ANAPC2: variants seen among roughly 807,000 people sequenced by gnomAD.
ANAPC2 encodes anaphase promoting complex subunit 2.
In ANAPC2, 29 loss-of-function variants were observed where a neutral mutation model predicts 84.3. The ratio of observed to expected loss-of-function variants is 0.34; its 90% CI spans 0.26 to 0.47. ANAPC2 has a LOEUF of 0.47. ANAPC2 is among the 20% of genes least tolerant of loss of function. The pLI is 1.00. For synonymous variants in ANAPC2, 571 were observed against 479.4 expected (o/e 1.19, Z -2.50); for missense variants, 857 against 1,131.7 (o/e 0.76, Z 3.48).
chr9:137,188,450 C>T lies in ANAPC2; in HGVS notation c.83G>A (p.Ser28Asn), dbSNP rs1210985758. 1.2e-6 allele frequency: 2 copies of T among 1,610,038 alleles called. No homozygotes were observed. The highest frequency in any genetic ancestry group is 1.7e-5 in the Admixed American group (1 of 59,954). ...CGCAGCCGGCGGCACCAGGCCGGTG[C>T]TCACGGTGTTCCAGGCCACTAACAA... ...QELLVAWNTV[S>N]TGLVPPAALG... Residue 28 changes from serine (S) to asparagine (N), a missense_variant, in exon 1 of 13, where the codon AGC becomes AAC. Coordinates refer to ENST00000323927, the MANE Select transcript of ANAPC2 (RefSeq NM_013366.4).
chr9:137,175,659 AG>A, intron 11 of ANAPC2, 48 bp downstream of exon 11: 1 of 1,584,488 alleles, frequency 6.3e-7, no homozygotes, highest in Non-Finnish European at 8.6e-7. Context: ...CCTCACCCAC[AG>A]CTGGGCCGTG....
At chr9:137,182,725 G>C (rs1391771025) in intron 6 of ANAPC2, among the ~76,000 whole-genome samples, 1 of 152,132 alleles carries the variant, frequency 6.6e-6, no homozygotes, top group African/African-American at 2.4e-5. Flanking sequence ...ATTCTCCACC[G>C]AACAGCCCCA....
chr9:137,181,133 C>A (rs941951411), intron 7 of ANAPC2, among the ~76,000 whole-genome samples: 2 of 152,226 alleles, frequency 1.3e-5, no homozygotes, highest in African/African-American at 2.4e-5. Context: ...CCTCTCACCC[C>A]ACAGGGACCT....
intron 5 of ANAPC2, 122 bp downstream of exon 5, chr9:137,183,550 C>T (rs1221131950): frequency 7.1e-7 from 1 of 1,413,898 alleles, no homozygotes; most frequent in African/African-American, 1.4e-5. Context: ...TGCTTCTCAA[C>T]CCATTTCTTC....
chr9:137,175,907 G>C (rs1302008132), intron 10 of ANAPC2, 70 bp from the exon 11 acceptor site: 2 of 1,500,274 alleles, frequency 1.3e-6, no homozygotes, highest in Non-Finnish European at 1.8e-6. Context: ...TCTGCCACCT[G>C]GTACCAGTGA....
chr9:137,179,688 C>T (rs548105610), intron 10 of ANAPC2, among the ~76,000 whole-genome samples: 19 of 152,360 alleles, frequency 1.2e-4, no homozygotes, highest in African/African-American at 4.3e-4. Context: ...AGGCAGTTCT[C>T]GAGGAAACAG....
intron 1 of ANAPC2, 110 bp from the exon 2 acceptor site, chr9:137,188,213 C>T: frequency 2.1e-6 from 3 of 1,427,078 alleles, no homozygotes; most frequent in Non-Finnish European, 1.9e-6. Context: ...GCCCCCTGTC[C>T]GTGCTGCCCG....
At position 137,184,946 on chromosome 9, in the gene ANAPC2, G is replaced by C; in HGVS notation, c.1015C>G (p.Leu339Val). The C allele has an allele frequency of 6.2e-7, 1 of 1,612,796 alleles. No homozygotes were observed. Among genetic ancestry groups the C allele is most frequent in the Non-Finnish European group, 8.5e-7 (1 of 1,179,726 alleles). The part of the protein sequence containing the change: ...QRFFYRIYAS[L>V]RIEELFSIVR... ...ATGCTGAAGAGCTCCTCGATGCGCA[G>C]GCTGGCGTAGATGCGGTAGAAGAAC... The change falls in exon 4 of 13, where the codon CTG (leucine) becomes GTG (valine). Residue 339 changes from leucine to valine, a missense_variant. Physicochemically the swap from Leu to Val is conservative, Grantham distance 32. Transcript: ENST00000323927.
In ANAPC2 at chr9:137,187,899, G is replaced by C; in HGVS notation, c.322C>G (p.Leu108Val). The C allele has an allele frequency of 6.2e-6, 10 of 1,613,810 alleles. No homozygotes were observed. The highest frequency in any genetic ancestry group is 8.5e-6 in the Non-Finnish European group (10 of 1,180,040). The change falls in exon 2 of 13, where the codon CTT becomes GTT. Residue 108 changes from leucine (L) to valine (V), a missense_variant. This residue lies in a region of ANAPC2 where 428 missense variants were observed against 513.8 expected (regional missense o/e 0.83). Transcript: ENST00000323927. ...CCAAAAGCGTCAAGGAGTAGCAAAA[G>C]GCACTGGGGCTCATCCGCAGAGTTC... is the stretch of plus-strand genomic sequence containing the variant. ...CENSADEPQC[L>V]LLLLDAFGLL...
rs1449985664 is a variant in ANAPC2 at position 137,187,784 on chromosome 9, G to C, written c.437C>G (p.Ala146Gly). Residue 146 changes from alanine (A) to glycine (G), a missense_variant, in exon 2 of 13, where the codon GCT (alanine) becomes GGT (glycine). Around this residue, in one of 3 missense-constraint regions of ANAPC2, gnomAD observed 428 missense variants for 513.8 expected, o/e 0.83. Coordinates refer to ENST00000323927, the MANE Select transcript of ANAPC2 (RefSeq NM_013366.4). Reference protein sequence around the residue: ...TRLGLLMGTGAQGLREEVHTM... With the variant: ...TRLGLLMGTGGQGLREEVHTM... ...GTGGACTTCTTCTCGCAGCCCCTGA[G>C]CACCAGTGCCCATCAGCAAGCCCAG... The C allele has an allele frequency of 3.1e-6, 5 of 1,613,704 alleles. No homozygotes were observed. Among genetic ancestry groups the C allele is most frequent in the Middle Eastern group, 1.6e-4 (1 of 6,062 alleles).
chr9:137,175,409 C>T lies in ANAPC2; in HGVS notation c.2084G>A (p.Arg695Gln), dbSNP rs1215805623. The change falls in exon 12 of 13, where the codon CGG becomes CAG. Residue 695 changes from arginine to glutamine, a missense_variant. Arg to Gln is a conservative substitution (Grantham distance 43). Coordinates refer to ENST00000323927, the MANE Select transcript of ANAPC2 (RefSeq NM_013366.4). ...VKMPVALLRR[R>Q]MSVWLQQGVL... ...ACCCTGCTGCAGCCACACGGACATCCGCCGCCGCAGCAGCGCCACGGGCAT... is the reference window on the plus strand; with the variant it reads ...ACCCTGCTGCAGCCACACGGACATCTGCCGCCGCAGCAGCGCCACGGGCAT... 6 of 1,607,464 alleles carry T rather than the reference C, an allele frequency of 3.7e-6. No individual in the cohort carries two copies. Among genetic ancestry groups the T allele is most frequent in the African/African-American group, 1.3e-5 (1 of 74,802 alleles).
chr9:137,181,441 T>C (rs180943233), intron 7 of ANAPC2, among the ~76,000 whole-genome samples: 190 of 151,958 alleles, frequency 1.3e-3, no homozygotes, highest in African/African-American at 4.0e-3. Context: ...TCACAAGCGG[T>C]GGGAGGCAGG....
In ANAPC2 at chr9:137,181,703, C is replaced by G. The variant is rs375903586; in HGVS notation, c.1446G>C (p.Pro482=). 4.3e-6 allele frequency: 7 copies of G among 1,609,198 alleles called. No individual in the cohort carries two copies. The Admixed American group carries it at 8.4e-5, about 19-fold the overall frequency. ...AACCTGGATCGGCATCCACAGGGTC[C>G]GGGACCCAGTCCTCTGGCTCGCCTG... ...DDSGEPEDWV[P]DPVDADPGKS... Residue 482 remains proline, a synonymous_variant, in exon 7 of 13, where the codon CCG becomes CCC. Transcript: ENST00000323927.
In ANAPC2 at chr9:137,180,822, G is replaced by A. The variant is rs1834327398; in HGVS notation, c.1576C>T (p.Arg526Cys). The change falls in exon 8 of 13, where the codon CGC (arginine) becomes TGC (cysteine). Residue 526 changes from arginine to cysteine, a missense_variant. Arg to Cys is a radical substitution (Grantham distance 180). Transcript: ENST00000323927. Reference protein sequence around the residue: ...INEYRSLLADRLLHQFSFSPE... With the variant: ...INEYRSLLADCLLHQFSFSPE... ...CTGAAGCTGAACTGGTGCAGCAGGCGGTCGGCCAGCAGCGAGCGGTACTCA... is the reference window on the plus strand; with the variant it reads ...CTGAAGCTGAACTGGTGCAGCAGGCAGTCGGCCAGCAGCGAGCGGTACTCA... 1 of 1,612,602 alleles carries A rather than the reference G, an allele frequency of 6.2e-7. No individual in the cohort carries two copies. The highest frequency in any genetic ancestry group is 8.5e-7 in the Non-Finnish European group (1 of 1,179,902).
intron 8 of ANAPC2, 117 bp downstream of exon 8, chr9:137,180,671 G>C (rs1247774708): frequency 3.8e-6 from 6 of 1,560,768 alleles, no homozygotes; most frequent in East Asian, 4.5e-5. Context: ...AGCCAGGAGT[G>C]GGGGCGGAAG....
chr9:137,186,088 G>C (rs1022273170), intron 3 of ANAPC2, 136 bp downstream of exon 3: 7 of 1,281,102 alleles, frequency 5.5e-6, no homozygotes, highest in Admixed American at 2.2e-5. Flanking sequence ...CCCACATCAA[G>C]ACAGCTCCAG....
In ANAPC2 at chr9:137,181,664, A is replaced by G. The variant is rs373230905; in HGVS notation, c.1468+17T>C. 1.9e-6 allele frequency: 3 copies of G among 1,578,166 alleles called. No homozygotes were observed. In the African/African-American group the frequency reaches 4.0e-5, roughly 21 times the overall value. On this transcript the variant is annotated intron_variant, in intron 7 of 12. Coordinates refer to ENST00000323927, the MANE Select transcript of ANAPC2 (RefSeq NM_013366.4). ...GCCCCCCACACTGGTGAAAGGGACC[A>G]TGTGGGGCAAGCTAACCTGGATCGG...
At position 137,188,533 on chromosome 9, in the gene ANAPC2, C is replaced by G. The variant is rs377619980; in HGVS notation, c.-1G>C. The G allele has an allele frequency of 6.7e-5, 107 of 1,605,798 alleles. No individual in the cohort carries two copies. The highest frequency in any genetic ancestry group is 8.8e-5 in the Non-Finnish European group (104 of 1,178,140). On this transcript the variant is annotated 5_prime_UTR_variant, in exon 1 of 13. Coordinates refer to ENST00000323927, the MANE Select transcript of ANAPC2 (RefSeq NM_013366.4). ...CCGCCACCACAACTGCCGCCGCCATCTGCACCCACCGACTCCGAGATTCGC... is the reference window on the plus strand; with the variant it reads ...CCGCCACCACAACTGCCGCCGCCATGTGCACCCACCGACTCCGAGATTCGC...
chr9:137,184,814 G>C, intron 4 of ANAPC2, 99 bp downstream of exon 4: 4 of 1,452,632 alleles, frequency 2.8e-6, no homozygotes, highest in Non-Finnish European at 3.7e-6. Flanking sequence ...CACGGTGAAG[G>C]CACAGGGAGC....
Sources: allele counts gnomAD v4.1 joint callset (sites outside exome capture counted in the v4.1 genomes callset), GRCh38; gene constraint gnomAD v4.1.1; regional missense constraint gnomAD v4.1.1; transcripts MANE v1.5; gene names NCBI Gene and HGNC (gene_info 2026-07-23, HGNC 2026-07-21).